GRB14: variants seen among roughly 807,000 people sequenced by gnomAD.
GRB14 encodes growth factor receptor-bound protein 14.
In GRB14, 38 loss-of-function variants were observed where a neutral mutation model predicts 69.1. The ratio of observed to expected loss-of-function variants is 0.55; its 90% CI spans 0.42 to 0.72. The LOEUF (loss-of-function observed/expected upper bound fraction) is 0.72. Ranked by LOEUF, GRB14 falls within the 30% of genes least tolerant of loss-of-function variation. The pLI is 0.00. For missense variants in GRB14, 666 were observed against 666.1 expected (o/e 1.00, Z 0.00); for synonymous variants, 247 against 241.3 (o/e 1.02, Z -0.22).
At chr2:164,542,069 C>T (rs960339290) in intron 3 of GRB14, among the ~76,000 whole-genome samples, 1 of 152,114 alleles carries the variant, frequency 6.6e-6, no homozygotes, top group African/African-American at 2.4e-5. Flanking sequence ...GATACTTGTA[C>T]AAAAACAGAC....
rs961907581 is a variant in GRB14 at position 164,621,183 on chromosome 2, G to C, written c.127C>G (p.Pro43Ala). 70 of 1,243,550 alleles carry C rather than the reference G, an allele frequency of 5.6e-5. No homozygotes were observed. Among genetic ancestry groups the C allele is most frequent in the Non-Finnish European group, 6.9e-5 (68 of 988,230 alleles). 77.0% of individuals were successfully genotyped at this position (1,243,550 alleles called of 1,614,324 possible). Residue 43 changes from proline (P) to alanine (A), a missense_variant, in exon 1 of 14, where the codon CCC becomes GCC. Physicochemically the swap from Pro to Ala is conservative, Grantham distance 27 (BLOSUM62 -1). Coordinates refer to ENST00000263915, the MANE Select transcript of GRB14 (RefSeq NM_004490.3). The surrounding 1 kb of genome is among the most constrained non-coding windows in gnomAD (Gnocchi z 6.0). ...AGGAGCGCTCGCGCGTGCAGCCAGG[G>C]GGCCGGCGCCAGGTCGTGGGCGTCG... is the stretch of plus-strand genomic sequence containing the variant. ...RGDAHDLAPA[P>A]WLHARALLPL...
intron 6 of GRB14, among the ~76,000 whole-genome samples, chr2:164,510,475 T>C (rs1687311972): frequency 6.6e-6 from 1 of 152,160 alleles, no homozygotes; most frequent in Non-Finnish European, 1.5e-5. Flanking sequence ...CTTTAAGATT[T>C]GCAGCAGTAG....
intron 5 of GRB14, among the ~76,000 whole-genome samples, chr2:164,522,484 T>C (rs2105283286): frequency 6.6e-6 from 1 of 152,286 alleles, no homozygotes; most frequent in East Asian, 1.9e-4. Context: ...TGAATGTCCA[T>C]TCAAAAAGTT....
At chr2:164,509,591 T>C (rs1213310889) in intron 6 of GRB14, among the ~76,000 whole-genome samples, 1 of 152,058 alleles carries the variant, frequency 6.6e-6, no homozygotes, top group Non-Finnish European at 1.5e-5. Context: ...AGGTTGAATG[T>C]ATAATCAAAT....
chr2:164,595,520 G>A (rs548278274), intron 2 of GRB14, among the ~76,000 whole-genome samples: 40 of 152,316 alleles, frequency 2.6e-4, no homozygotes, highest in African/African-American at 9.1e-4. Flanking sequence ...GGGGAAGTAA[G>A]ATGTGGAGTA....
intron 2 of GRB14, among the ~76,000 whole-genome samples, chr2:164,565,921 G>T (rs1302229532): frequency 6.6e-6 from 1 of 152,168 alleles, no homozygotes; most frequent in Non-Finnish European, 1.5e-5. Context: ...CACTACCAGA[G>T]ACACTTACAG....
chr2:164,608,100 A>G lies in GRB14; in HGVS notation c.324+11587T>C, dbSNP rs543900807. 1.0e-3 allele frequency among the ~76,000 whole-genome samples: 157 copies of G among 152,286 alleles called. 1 individual carries two copies. Among genetic ancestry groups the G allele is most frequent in the African/African-American group, 3.7e-3 (155 of 41,560 alleles). On this transcript the variant is annotated intron_variant, in intron 2 of 13. Coordinates refer to ENST00000263915, the MANE Select transcript of GRB14 (RefSeq NM_004490.3). ...AATTAGTTACATTTTGGCCAGGCAC[A>G]GTGGCTCACACCTGTAATCCCAGTA...
Position 164,493,017 on chromosome 2 carries a change from T to C in GRB14, c.*19A>G, listed in dbSNP as rs759057494. ...GAGTCCTTTTCCTTCAATAGTTTAA[T>C]AAGTCACTTCTGGCTTGTCTAGAGA... On this transcript the variant is annotated 3_prime_UTR_variant, in exon 14 of 14. Coordinates refer to ENST00000263915, the MANE Select transcript of GRB14 (RefSeq NM_004490.3). 1.0e-5 allele frequency: 16 copies of C among 1,598,604 alleles called. No homozygotes were observed. The Admixed American group carries it at 1.4e-4, about 14-fold the overall frequency.
At chr2:164,534,873 T>A (rs1002902588) in intron 3 of GRB14, among the ~76,000 whole-genome samples, 1 of 152,204 alleles carries the variant, frequency 6.6e-6, no homozygotes, top group Non-Finnish European at 1.5e-5. Context: ...TTCAAAATTA[T>A]TATTTTAGAC....
Position 164,527,062 on chromosome 2 carries a change from T to G in GRB14, c.555A>C (p.Leu185=). The G allele has an allele frequency of 6.3e-7, 1 of 1,594,376 alleles. No individual in the cohort carries two copies. The highest frequency in any genetic ancestry group is 1.7e-5 in the Admixed American group (1 of 59,466). Residue 185 remains leucine, a synonymous_variant, in exon 4 of 14, where the codon CTA becomes CTC. Coordinates refer to ENST00000263915, the MANE Select transcript of GRB14 (RefSeq NM_004490.3). ...SNWGIEEENK[L]YFRKNYAKYE... is the part of the protein sequence containing the mutation. The stretch of plus-strand genomic sequence containing the variant: ...ATTTGGCATAATTTTTTCTAAAGTA[T>G]AGTTTGTTTTCTTCTTCTATCCCCC...
At chr2:164,550,979 C>CTGGA (rs1688523006) in intron 2 of GRB14, among the ~76,000 whole-genome samples, 1 of 152,148 alleles carries the variant, frequency 6.6e-6, no homozygotes, top group Non-Finnish European at 1.5e-5. Flanking sequence ...TGACAGTTTG[C>CTGGA]TGGAGCTGCT....
chr2:164,577,418 T>C (rs150932781), intron 2 of GRB14, among the ~76,000 whole-genome samples: 4 of 152,324 alleles, frequency 2.6e-5, no homozygotes, highest in Non-Finnish European at 5.9e-5. Context: ...CCCTTGCTGT[T>C]CTTGTGATAG....
chr2:164,608,013 AG>A (rs1223550186), intron 2 of GRB14, among the ~76,000 whole-genome samples: 2 of 152,226 alleles, frequency 1.3e-5, no homozygotes, highest in African/African-American at 4.8e-5. Flanking sequence ...CACTCTCAAA[AG>A]CAATTGGCCA....
At chr2:164,617,742 C>T (rs764433970) in intron 2 of GRB14, among the ~76,000 whole-genome samples, 6 of 152,196 alleles carry the variant, frequency 3.9e-5, no homozygotes, top group Non-Finnish European at 5.9e-5. Context: ...AGGCTCCACC[C>T]GCTACCACAA....
intron 6 of GRB14, among the ~76,000 whole-genome samples, chr2:164,510,831 C>T (rs1687320716): frequency 6.6e-6 from 1 of 152,136 alleles, no homozygotes; most frequent in East Asian, 1.9e-4. Flanking sequence ...TGCAGTACTC[C>T]CTGGGGACTT....
rs80211541 is a variant in GRB14, at chr2:164,529,375, C to T, written c.482-2240G>A. On this transcript the variant is annotated intron_variant, in intron 3 of 13. Transcript: ENST00000263915. ...TGCACAACAATGTGAATTCATATAA[C>T]GCCACTGAACTGTACACATACAAAA... 1.4e-3 allele frequency among the ~76,000 whole-genome samples: 215 copies of T among 152,194 alleles called. 7 individuals carry two copies. The East Asian group carries it at 0.033, about 24-fold the overall frequency.
chr2:164,501,666 C>T (rs903594671), intron 9 of GRB14, among the ~76,000 whole-genome samples: 5 of 152,060 alleles, frequency 3.3e-5, no homozygotes, highest in Admixed American at 6.6e-5. Context: ...ATGTAACACA[C>T]GACCTATATT....
At chr2:164,521,442 C>A (rs1344844173) in intron 6 of GRB14, among the ~76,000 whole-genome samples, 1 of 152,028 alleles carries the variant, frequency 6.6e-6, no homozygotes, top group East Asian at 1.9e-4. Flanking sequence ...GTGCACCAAA[C>A]TCTCAGAAAT....
At position 164,621,439 on chromosome 2, in the gene GRB14, C is replaced by A; in HGVS notation, c.-130G>T. ...GCAGGTGTGGTGGCCTCGCCGCCTG[C>A]GCTCGGGGCCCCGGCGGCTGAGACG... On this transcript the variant is annotated 5_prime_UTR_variant, in exon 1 of 14. Transcript: ENST00000263915. This position sits in a 1 kb window ranked among gnomAD's most constrained non-coding sequence, Gnocchi z 6.0. 1 of 631,894 alleles carries A rather than the reference C, an allele frequency of 1.6e-6. No individual in the cohort carries two copies. Among genetic ancestry groups the A allele is most frequent in the South Asian group, 8.0e-5 (1 of 12,502 alleles). The allele number at this position is 631,894 out of a possible 1,614,324, so 39.1% of individuals were successfully genotyped here.
Sources: gnomAD v4.1 joint callset for allele counts (sites outside exome capture counted in the v4.1 genomes callset) on GRCh38, gnomAD v4.1.1 for gene constraint, Gnocchi (gnomAD v3.1) non-coding constraint, MANE v1.5 for transcripts, NCBI Gene and HGNC (gene_info 2026-07-23, HGNC 2026-07-21) for gene names.